Variants in CSNK2A2IP observed in about 807,000 individuals in gnomAD.
The protein encoded by CSNK2A2IP is casein kinase II subunit alpha'-interacting protein.
the CSNK2A2IP span, among the ~76,000 whole-genome samples, chr3:88,442,171 G>T: frequency 6.6e-6 from 1 of 151,904 alleles, no homozygotes; most frequent in Non-Finnish European, 1.5e-5. Flanking sequence ...CACTAATTAG[G>T]TACCATTAAT....
chr3:88,361,148 A>G, the CSNK2A2IP span, among the ~76,000 whole-genome samples: 3 of 152,184 alleles, frequency 2.0e-5, no homozygotes, highest in Non-Finnish European at 4.4e-5. Flanking sequence ...TTAGACATGG[A>G]AATTACAGTG....
the CSNK2A2IP span, among the ~76,000 whole-genome samples, chr3:88,454,839 C>T: frequency 0.29 from 44,392 of 151,640 alleles, 7,236 homozygotes; most frequent in East Asian, 0.48. Context: ...TTCAACTATA[C>T]GGTGCATTAT....
the CSNK2A2IP span, among the ~76,000 whole-genome samples, chr3:88,400,613 C>T: frequency 6.6e-5 from 10 of 152,006 alleles, no homozygotes; most frequent in Non-Finnish European, 1.0e-4. Context: ...GATATGACTA[C>T]GGAAGAATGG....
chr3:88,372,790 A>G, the CSNK2A2IP span, among the ~76,000 whole-genome samples: 2 of 151,452 alleles, frequency 1.3e-5, no homozygotes, highest in Non-Finnish European at 3.0e-5. Context: ...AAAAAAATAG[A>G]AAAACCATAA....
the CSNK2A2IP span, among the ~76,000 whole-genome samples, chr3:88,396,642 C>T: frequency 6.6e-6 from 1 of 152,038 alleles, no homozygotes; most frequent in Non-Finnish European, 1.5e-5. Context: ...TAGGAGAGAG[C>T]GAGGAGAAGC....
chr3:88,394,461 C>T, the CSNK2A2IP span, among the ~76,000 whole-genome samples: 1 of 152,186 alleles, frequency 6.6e-6, no homozygotes, highest in African/African-American at 2.4e-5. Context: ...CAACCTCTGC[C>T]TCCTGGGTTC....
At chr3:88,409,259 G>A in the CSNK2A2IP span, among the ~76,000 whole-genome samples, 64 of 151,882 alleles carry the variant, frequency 4.2e-4, 1 homozygote, top group African/African-American at 1.4e-3. Flanking sequence ...TTCTATTTCC[G>A]TTTTTGCTTC....
At chr3:88,431,541 G>A in the CSNK2A2IP span, among the ~76,000 whole-genome samples, 4 of 152,098 alleles carry the variant, frequency 2.6e-5, no homozygotes, top group South Asian at 6.2e-4. Context: ...CCAAAATCTC[G>A]CAAATCACCA....
chr3:88,456,800 G>T, the CSNK2A2IP span, among the ~76,000 whole-genome samples: 3 of 150,936 alleles, frequency 2.0e-5, no homozygotes, highest in South Asian at 2.1e-4. Flanking sequence ...TGTGTATTTT[G>T]TTCCATTTAC....
the CSNK2A2IP span, among the ~76,000 whole-genome samples, chr3:88,350,599 TGAA>T: frequency 9.0e-4 from 101 of 112,702 alleles, 1 homozygote; most frequent in African/African-American, 1.4e-3. Context: ...TCAAAGATGA[TGAA>T]AAAAAAAAAA....
At chr3:88,400,716 A>G in the CSNK2A2IP span, among the ~76,000 whole-genome samples, 1 of 152,222 alleles carries the variant, frequency 6.6e-6, no homozygotes, top group Non-Finnish European at 1.5e-5. Context: ...AAAAAGGAGC[A>G]CAGCTCTAAA....
the CSNK2A2IP span, among the ~76,000 whole-genome samples, chr3:88,434,364 T>C: frequency 6.6e-6 from 1 of 150,480 alleles, no homozygotes; most frequent in African/African-American, 2.4e-5. Context: ...AAAAAAAAAA[T>C]AAAATATTTG....
the CSNK2A2IP span, among the ~76,000 whole-genome samples, chr3:88,441,609 G>A: frequency 2.0e-5 from 3 of 152,094 alleles, no homozygotes; most frequent in Non-Finnish European, 4.4e-5. Context: ...TTTTGAAAAT[G>A]TGATATAAGT....
the CSNK2A2IP span, among the ~76,000 whole-genome samples, chr3:88,366,163 A>G: frequency 1.4e-4 from 21 of 152,140 alleles, no homozygotes; most frequent in Non-Finnish European, 2.5e-4. Context: ...AGAGGATTTT[A>G]AACTCCAGCA....
the CSNK2A2IP span, among the ~76,000 whole-genome samples, chr3:88,392,255 G>C: frequency 6.6e-6 from 1 of 152,296 alleles, no homozygotes; most frequent in South Asian, 2.1e-4. Context: ...GAATGTGTTA[G>C]AATCAAGTAG....
chr3:88,456,878 G>C, the CSNK2A2IP span, among the ~76,000 whole-genome samples: 1 of 151,900 alleles, frequency 6.6e-6, no homozygotes, highest in African/African-American at 2.4e-5. Flanking sequence ...AAGACTTGAC[G>C]TCAGGTAATT....
At chr3:88,344,354 G>T in the CSNK2A2IP span, among the ~76,000 whole-genome samples, 1 of 151,420 alleles carries the variant, frequency 6.6e-6, no homozygotes, top group Non-Finnish European at 1.5e-5. Context: ...TCCTCCATAT[G>T]TTGTTTTAAA....
the CSNK2A2IP span, among the ~76,000 whole-genome samples, chr3:88,431,858 A>G: frequency 6.6e-6 from 1 of 152,130 alleles, no homozygotes; most frequent in Non-Finnish European, 1.5e-5. Flanking sequence ...AAGCAGCTAT[A>G]TATTGGTTAT....
At chr3:88,367,924 C>T in the CSNK2A2IP span, among the ~76,000 whole-genome samples, 4 of 151,910 alleles carry the variant, frequency 2.6e-5, no homozygotes, top group East Asian at 1.9e-4. Flanking sequence ...AGGAATTTGA[C>T]CTTTAATCCT....
Sources: allele counts gnomAD v4.1 joint callset (sites outside exome capture counted in the v4.1 genomes callset), GRCh38; gene constraint gnomAD v4.1.1; transcripts MANE v1.5; gene names NCBI Gene and HGNC (gene_info 2026-07-23, HGNC 2026-07-21).